The following ARHGAP30 variants were observed in gnomAD, a reference collection of about 807,000 sequenced individuals.
ARHGAP30 encodes the protein Rho GTPase activating protein 30.
A neutral mutation model predicts 72.0 loss-of-function variants in ARHGAP30; 23 were observed. The observed-to-expected ratio is 0.32, with a 90% CI of 0.23 to 0.45. The LOEUF is 0.45. Ranked by LOEUF, ARHGAP30 falls within the 20% of genes least tolerant of loss-of-function variation. The pLI, the probability that ARHGAP30 is intolerant of heterozygous loss-of-function variation, is 1.00. For synonymous variants in ARHGAP30, 576 were observed against 528.2 expected, an observed-to-expected ratio of 1.09 and a Z score of -1.24; for missense variants, 1,319 against 1,383.4, an observed-to-expected ratio of 0.95 and a Z score of 0.74.
rs1651493957 is a variant in ARHGAP30 at position 161,052,642 on chromosome 1, C to T, written c.820G>A (p.Glu274Lys). The T allele has an allele frequency of 3.7e-6, 6 of 1,613,710 alleles. No individual in the cohort carries two copies. Among genetic ancestry groups the T allele is most frequent in the African/African-American group, 1.3e-5 (1 of 74,876 alleles). The change falls in exon 7 of 12, where the codon GAG becomes AAG. Residue 274 changes from glutamate (E) to lysine (K), a missense_variant. Transcript: ENST00000368013. Reference protein sequence around the residue: ...PQMRPYHTIIEIAEHKRKGSL... With the variant: ...PQMRPYHTIIKIAEHKRKGSL... The stretch of plus-strand genomic sequence containing the variant: ...AGGCCTTACTTGTGCTCTGCAATCT[C>T]GATGATAGTATGGTAGGGCCGCATC...
At position 161,047,182 on chromosome 1, in the gene ARHGAP30, A is replaced by G. The variant is rs1184861753; in HGVS notation, c.*533T>C. 1.1e-5 allele frequency: 3 copies of G among 263,598 alleles called. No homozygotes were observed. Among genetic ancestry groups the G allele is most frequent in the Non-Finnish European group, 2.5e-5 (3 of 121,678 alleles). 16.3% of individuals were successfully genotyped at this position (263,598 alleles called of 1,614,324 possible). ...GCTGGAGAGGAGTCCAGTCCCTCCA[A>G]CAAATATTGAGGGCTTCAAAGAGCT... On this transcript the variant is annotated 3_prime_UTR_variant, in exon 12 of 12. Transcript: ENST00000368013.
In ARHGAP30 at chr1:161,051,316, G is replaced by A. The variant is rs150334154; in HGVS notation, c.1418C>T (p.Pro473Leu). Residue 473 changes from proline (P) to leucine (L), a missense_variant and splice_region_variant, in exon 10 of 12, where the codon CCA becomes CTA. This residue lies in a region of ARHGAP30 where 1,097 missense variants were observed against 1,045.2 expected (regional missense o/e 1.05). Transcript: ENST00000368013. ...TTGGTCAATCAATGGGTCCTCACCT[G>A]GGGGGCCAGGGCCAAGGCCAGGGCC... is the stretch of plus-strand genomic sequence containing the variant. ...GPGPGLGPGP[P>L]DEKLEASPAS... The A allele has an allele frequency of 1.1e-3, 1,760 of 1,594,648 alleles. 17 individuals are homozygous for A. The highest frequency in any genetic ancestry group is 2.9e-4 in the Non-Finnish European group (335 of 1,170,356).
chr1:161,048,134 T>A lies in ARHGAP30; in HGVS notation c.2887A>T (p.Asn963Tyr). The change falls in exon 12 of 12, where the codon AAT becomes TAT. Residue 963 changes from asparagine to tyrosine, a missense_variant. By Grantham distance (143) the Asn-to-Tyr change is moderately radical. This residue lies in a region of ARHGAP30 where 1,097 missense variants were observed against 1,045.2 expected (regional missense o/e 1.05). Transcript: ENST00000368013. The stretch of plus-strand genomic sequence containing the variant: ...AGCCGGCCAGGCCTCGGGCATGGAT[T>A]TGCAGGTGCCACATGAATCTTGCTA... ...MCSKIHVAPANPCPRPGRLDG... is the reference protein window; with the variant it reads ...MCSKIHVAPAYPCPRPGRLDG... 1 of 1,614,164 alleles carries A rather than the reference T, an allele frequency of 6.2e-7. No homozygotes were observed. The highest frequency in any genetic ancestry group is 1.3e-5 in the African/African-American group (1 of 75,040).
chr1:161,058,504 G>A (rs1377885169), intron 2 of ARHGAP30, among the ~76,000 whole-genome samples: 2 of 151,038 alleles, frequency 1.3e-5, no homozygotes, highest in Non-Finnish European at 2.9e-5. Context: ...GTGCATGCCT[G>A]TAGTCCCAGC....
Position 161,048,943 on chromosome 1 carries a change from C to G in ARHGAP30, c.2078G>C (p.Gly693Ala), listed in dbSNP as rs756563855. The stretch of plus-strand genomic sequence containing the variant: ...TGTCTCTTGGCTTCCCCCAGCCTCC[C>G]CTCTATCCTCACTGGCCTTTCCAGC... ...VEAGKASEDR[G>A]EAGGSQETKV... Residue 693 changes from glycine to alanine, a missense_variant, in exon 12 of 12, where the codon GGG (glycine) becomes GCG (alanine). Around this residue, in one of 2 missense-constraint regions of ARHGAP30, gnomAD observed 1,097 missense variants for 1,045.2 expected, o/e 1.05. Coordinates refer to ENST00000368013, the MANE Select transcript of ARHGAP30 (RefSeq NM_001025598.2). 5.6e-6 allele frequency: 9 copies of G among 1,613,946 alleles called. No homozygotes were observed. Among genetic ancestry groups the G allele is most frequent in the Non-Finnish European group, 7.6e-6 (9 of 1,180,016 alleles).
chr1:161,056,590 G>A, intron 2 of ARHGAP30, 58 bp from the exon 3 acceptor site: 1 of 1,574,776 alleles, frequency 6.4e-7, no homozygotes, highest in Non-Finnish European at 8.6e-7. Context: ...GGGGAGAGGT[G>A]GGTCCCTATA....
In ARHGAP30 at chr1:161,047,651, A is replaced by G. The variant is rs757624964; in HGVS notation, c.*64T>C. 1 of 1,471,984 alleles carries G rather than the reference A, an allele frequency of 6.8e-7. No individual in the cohort carries two copies. Among genetic ancestry groups the G allele is most frequent in the Non-Finnish European group, 9.1e-7 (1 of 1,104,434 alleles). 91.2% of individuals were successfully genotyped at this position (1,471,984 alleles called of 1,614,324 possible). On this transcript the variant is annotated 3_prime_UTR_variant, in exon 12 of 12. Coordinates refer to ENST00000368013, the MANE Select transcript of ARHGAP30 (RefSeq NM_001025598.2). ...TGCTCATGCTGCAGAGGAGACAGCT[A>G]GTCAGGAACCCTGGAGATTCAAGAC...
Position 161,047,667 on chromosome 1 carries a change from G to T in ARHGAP30, c.*48C>A. ...GAGACAGCTAGTCAGGAACCCTGGAGATTCAAGACAACTTGCTGGTCCCCT... is the reference window on the plus strand; with the variant it reads ...GAGACAGCTAGTCAGGAACCCTGGATATTCAAGACAACTTGCTGGTCCCCT... On this transcript the variant is annotated 3_prime_UTR_variant, in exon 12 of 12. Transcript: ENST00000368013. 6.7e-7 allele frequency: 1 copy of T among 1,490,550 alleles called. No homozygotes were observed. Among genetic ancestry groups the T allele is most frequent in the African/African-American group, 1.4e-5 (1 of 71,226 alleles). 92.3% of individuals were successfully genotyped at this position (1,490,550 alleles called of 1,614,324 possible).
intron 1 of ARHGAP30, among the ~76,000 whole-genome samples, chr1:161,063,797 T>C (rs1351050612): frequency 1.3e-5 from 2 of 152,012 alleles, no homozygotes; most frequent in Non-Finnish European, 2.9e-5. Flanking sequence ...GGTAGGTCTC[T>C]GAACGCCCCC....
Position 161,048,678 on chromosome 1 carries a change from C to T in ARHGAP30, c.2343G>A (p.Glu781=). 1 of 1,614,122 alleles carries T rather than the reference C, an allele frequency of 6.2e-7. No homozygotes were observed. ...CTTGTTTCTGTACAACTTCCCATTTCTCCTCAGCAACTTGATCTTCCTGGG... is the reference window on the plus strand; with the variant it reads ...CTTGTTTCTGTACAACTTCCCATTTTTCCTCAGCAACTTGATCTTCCTGGG... The part of the protein sequence containing the change: ...QGAQEDQVAE[E]KWEVVQKQEA... Residue 781 remains glutamate, a synonymous_variant, in exon 12 of 12, where the codon GAG becomes GAA. Transcript: ENST00000368013.
At position 161,051,315 on chromosome 1, in the gene ARHGAP30, T is replaced by C. The variant is rs1484362914; in HGVS notation, c.1419A>G (p.Pro473=). The C allele has an allele frequency of 1.3e-6, 2 of 1,594,866 alleles. No homozygotes were observed. Among genetic ancestry groups the C allele is most frequent in the Non-Finnish European group, 1.7e-6 (2 of 1,170,410 alleles). The part of the protein sequence containing the change: ...GPGPGLGPGP[P]DEKLEASPAS... ...CTTGGTCAATCAATGGGTCCTCACC[T>C]GGGGGGCCAGGGCCAAGGCCAGGGC... is the stretch of plus-strand genomic sequence containing the variant. The change falls in exon 10 of 12, where the codon CCA becomes CCG. Residue 473 remains proline, a splice_region_variant and synonymous_variant. Coordinates refer to ENST00000368013, the MANE Select transcript of ARHGAP30 (RefSeq NM_001025598.2).
intron 1 of ARHGAP30, among the ~76,000 whole-genome samples, chr1:161,064,446 T>A (rs1044866185): frequency 6.6e-6 from 1 of 152,172 alleles, no homozygotes; most frequent in Non-Finnish European, 1.5e-5. Context: ...TCAGAGCAAT[T>A]CGTCTCACAT....
At chr1:161,060,465 C>T (rs1652232795) in intron 1 of ARHGAP30, among the ~76,000 whole-genome samples, 1 of 151,564 alleles carries the variant, frequency 6.6e-6, no homozygotes, top group African/African-American at 2.4e-5. Context: ...GGCATGGTGG[C>T]ACATGCCTGT....
In ARHGAP30 at chr1:161,048,539, C is replaced by T. The variant is rs1294308383; in HGVS notation, c.2482G>A (p.Glu828Lys). Residue 828 changes from glutamate (E) to lysine (K), a missense_variant, in exon 12 of 12, where the codon GAA becomes AAA. By Grantham distance (56) the Glu-to-Lys change is moderately conservative. Coordinates refer to ENST00000368013, the MANE Select transcript of ARHGAP30 (RefSeq NM_001025598.2). ...EDSRSPEAAT[E>K]GGAGEVSKER... ...TTGCTGACCTCCCCTGCTCCTCCTT[C>T]AGTTGCTGCTTCTGGGCTTCTGCTG... 6.2e-7 allele frequency: 1 copy of T among 1,614,174 alleles called. No homozygotes were observed. Among genetic ancestry groups the T allele is most frequent in the Non-Finnish European group, 8.5e-7 (1 of 1,180,028 alleles).
rs1651058304 is a variant in ARHGAP30, at chr1:161,048,505, T to C, written c.2516A>G (p.Glu839Gly). 1 of 1,613,906 alleles carries C rather than the reference T, an allele frequency of 6.2e-7. No individual in the cohort carries two copies. Among genetic ancestry groups the C allele is most frequent in the Non-Finnish European group, 8.5e-7 (1 of 1,179,994 alleles). The change falls in exon 12 of 12, where the codon GAG (glutamate) becomes GGG (glycine). Residue 839 changes from glutamate (E) to glycine (G), a missense_variant. Physicochemically the swap from Glu to Gly is moderately conservative, Grantham distance 98 (BLOSUM62 -2). Transcript: ENST00000368013. ...GGAGEVSKER[E>G]SGDGEAEGDQ... is the part of the protein sequence containing the mutation. Reference sequence around the variant, plus strand: ...TCCCTCAGCCTCTCCATCCCCACTCTCCCGTTCCTTGCTGACCTCCCCTGC... The same window carrying C: ...TCCCTCAGCCTCTCCATCCCCACTCCCCCGTTCCTTGCTGACCTCCCCTGC...
rs912957847 is a variant in ARHGAP30 at position 161,047,789 on chromosome 1, G to T, written c.3232C>A (p.Pro1078Thr). The T allele has an allele frequency of 2.5e-6, 4 of 1,595,672 alleles. No individual in the cohort carries two copies. Among genetic ancestry groups the T allele is most frequent in the Non-Finnish European group, 1.7e-6 (2 of 1,172,718 alleles). The change falls in exon 12 of 12, where the codon CCC becomes ACC. Residue 1078 changes from proline to threonine, a missense_variant. Physicochemically the swap from Pro to Thr is conservative, Grantham distance 38 (BLOSUM62 -1). This residue lies in a region of ARHGAP30 where 1,097 missense variants were observed against 1,045.2 expected (regional missense o/e 1.05). Coordinates refer to ENST00000368013, the MANE Select transcript of ARHGAP30 (RefSeq NM_001025598.2). Reference sequence around the variant, plus strand: ...GACCTGCGCTGAGAGGACAACAGGGGGTCAGGAACCTGGGGTTCTCTGGGG... The same window carrying T: ...GACCTGCGCTGAGAGGACAACAGGGTGTCAGGAACCTGGGGTTCTCTGGGG... ...LPPREPQVPDPLLSSQRRSYA... is the reference protein window; with the variant it reads ...LPPREPQVPDTLLSSQRRSYA...
intron 2 of ARHGAP30, among the ~76,000 whole-genome samples, chr1:161,059,344 T>TG (rs1652149451): frequency 1.3e-5 from 2 of 151,860 alleles, no homozygotes; most frequent in African/African-American, 2.4e-5. Flanking sequence ...TTTTTTTTTT[T>TG]TTTTTTTTTA....
rs762092211 is a variant in ARHGAP30 at position 161,059,730 on chromosome 1, C to A, written c.98-14G>T. On this transcript the variant is annotated splice_polypyrimidine_tract_variant and intron_variant, in intron 1 of 11. Coordinates refer to ENST00000368013, the MANE Select transcript of ARHGAP30 (RefSeq NM_001025598.2). ...GCACCTGGGGCACTGGGGACACAGACGGGGCAGAGACATAGAAATCAGAGG... is the reference window on the plus strand; with the variant it reads ...GCACCTGGGGCACTGGGGACACAGAAGGGGCAGAGACATAGAAATCAGAGG... 6.2e-7 allele frequency: 1 copy of A among 1,606,520 alleles called. No individual in the cohort carries two copies. Among genetic ancestry groups the A allele is most frequent in the Non-Finnish European group, 8.5e-7 (1 of 1,175,022 alleles).
At chr1:161,066,761 G>C (rs1205741531) in intron 1 of ARHGAP30, among the ~76,000 whole-genome samples, 2 of 150,406 alleles carry the variant, frequency 1.3e-5, no homozygotes, top group East Asian at 3.9e-4. Flanking sequence ...CTTAGTCTCA[G>C]TCCTACAGTT....
Sources: allele counts gnomAD v4.1 joint callset (sites outside exome capture counted in the v4.1 genomes callset), GRCh38; gene constraint gnomAD v4.1.1; regional missense constraint gnomAD v4.1.1; transcripts MANE v1.5; gene names NCBI Gene and HGNC (gene_info 2026-07-23, HGNC 2026-07-21).